The following CACNB2 variants were observed in gnomAD, a reference collection of about 807,000 sequenced individuals.
CACNB2 encodes voltage-dependent L-type calcium channel subunit beta-2.
CACNB2 carries 42 observed loss-of-function variants against 73.3 expected under a neutral mutation model. That is an observed-to-expected ratio of 0.57 (90% confidence interval 0.45 to 0.74). CACNB2 has a LOEUF of 0.74. Ranked by LOEUF, CACNB2 falls within the 30% of genes least tolerant of loss-of-function variation. CACNB2 has a pLI of 0.00. For synonymous variants in CACNB2, 348 were observed against 310.3 expected (o/e 1.12, Z -1.28); for missense variants, 940 against 853.0 (o/e 1.10, Z -1.27).
chr10:18,479,574 G>T (rs990355625), intron 3 of CACNB2, among the ~76,000 whole-genome samples: 1 of 152,170 alleles, frequency 6.6e-6, no homozygotes, highest in South Asian at 2.1e-4. Flanking sequence ...TAATCCCCAT[G>T]TATCAAAGGA....
intron 2 of CACNB2, among the ~76,000 whole-genome samples, chr10:18,243,828 C>T (rs182811572): frequency 6.6e-6 from 1 of 152,190 alleles, no homozygotes; most frequent in Non-Finnish European, 1.5e-5. Flanking sequence ...TTCCAACCAC[C>T]AGAATCATGA....
chr10:18,179,051 T>C (rs1368209014), intron 2 of CACNB2, among the ~76,000 whole-genome samples: 1 of 152,180 alleles, frequency 6.6e-6, no homozygotes, highest in East Asian at 1.9e-4. Context: ...ATAAACAAAT[T>C]AGAATTTTCT....
intron 3 of CACNB2, among the ~76,000 whole-genome samples, chr10:18,461,821 G>A (rs1385582527): frequency 1.6e-5 from 2 of 122,540 alleles, no homozygotes; most frequent in Non-Finnish European, 1.6e-5. Flanking sequence ...GCAACTCCTC[G>A]AACAGTATGA....
chr10:18,259,317 G>A (rs1436216663), intron 2 of CACNB2, among the ~76,000 whole-genome samples: 3 of 151,990 alleles, frequency 2.0e-5, no homozygotes, highest in Non-Finnish European at 4.4e-5. Flanking sequence ...TGTAATCCTA[G>A]CACTTTGGGA....
chr10:18,383,894 T>C (rs775649245), intron 2 of CACNB2, among the ~76,000 whole-genome samples: 9 of 151,806 alleles, frequency 5.9e-5, no homozygotes, highest in Non-Finnish European at 2.9e-5. Flanking sequence ...TTAGTAGAGA[T>C]GGGATTTCAC....
intron 2 of CACNB2, among the ~76,000 whole-genome samples, chr10:18,274,257 C>G (rs945572878): frequency 2.6e-5 from 4 of 152,114 alleles, no homozygotes; most frequent in African/African-American, 9.7e-5. Context: ...AAGGCACCTG[C>G]AGTGGAAAGG....
intron 6 of CACNB2, among the ~76,000 whole-genome samples, chr10:18,507,597 T>C (rs1459284771): frequency 6.6e-6 from 1 of 152,138 alleles, no homozygotes; most frequent in Non-Finnish European, 1.5e-5. Flanking sequence ...GTGTAGAACA[T>C]GGAATTCTAT....
chr10:18,482,249 G>C (rs2048819957), intron 3 of CACNB2, among the ~76,000 whole-genome samples: 1 of 152,220 alleles, frequency 6.6e-6, no homozygotes, highest in South Asian at 2.1e-4. Context: ...CTTCTACATA[G>C]TAAGCACAAT....
intron 3 of CACNB2, among the ~76,000 whole-genome samples, chr10:18,477,743 T>G (rs1231574480): frequency 6.6e-6 from 1 of 151,996 alleles, no homozygotes; most frequent in Non-Finnish European, 1.5e-5. Flanking sequence ...TAGGGAAGAG[T>G]CACTTATATA....
chr10:18,440,503 G>A (rs59261128), intron 3 of CACNB2, among the ~76,000 whole-genome samples: 6,447 of 152,018 alleles, frequency 0.042, 320 homozygotes, highest in South Asian at 0.12. Context: ...GACCCCTCAT[G>A]GCAAAAAATC....
At chr10:18,467,770 C>T (rs1290430815) in intron 3 of CACNB2, among the ~76,000 whole-genome samples, 2 of 152,168 alleles carry the variant, frequency 1.3e-5, no homozygotes, top group African/African-American at 2.4e-5. Flanking sequence ...AAACCCCTCC[C>T]CAGGCACAGT....
intron 2 of CACNB2, among the ~76,000 whole-genome samples, chr10:18,332,877 A>G (rs2040857449): frequency 6.6e-6 from 1 of 152,196 alleles, no homozygotes; most frequent in Non-Finnish European, 1.5e-5. Flanking sequence ...ATTCATTTTA[A>G]TGGTATGAAA....
intron 3 of CACNB2, among the ~76,000 whole-genome samples, chr10:18,440,679 G>C (rs944289056): frequency 1.3e-5 from 2 of 152,022 alleles, no homozygotes; most frequent in African/African-American, 4.8e-5. Flanking sequence ...GGTGACATTT[G>C]ATCAAAATTG....
At chr10:18,470,833 G>GA (rs1337315861) in intron 3 of CACNB2, among the ~76,000 whole-genome samples, 1 of 152,092 alleles carries the variant, frequency 6.6e-6, no homozygotes, top group Non-Finnish European at 1.5e-5. Context: ...AAAGATAAAG[G>GA]AAACCATCTG....
chr10:18,493,390 A>G (rs562204658), intron 3 of CACNB2, among the ~76,000 whole-genome samples: 1 of 151,338 alleles, frequency 6.6e-6, no homozygotes, highest in African/African-American at 2.4e-5. Context: ...CTGGTCTCAA[A>G]CTCCTGATCT....
chr10:18,426,955 A>ATTTTTTTTTTTT (rs551543429), intron 3 of CACNB2, among the ~76,000 whole-genome samples: 10 of 81,668 alleles, frequency 1.2e-4, no homozygotes, highest in East Asian at 4.1e-4. Flanking sequence ...CCTTTTCTAC[A>ATTTTTTTTTTTT]TTTTTTTTTT....
intron 2 of CACNB2, among the ~76,000 whole-genome samples, chr10:18,190,470 G>T (rs971020506): frequency 1.3e-5 from 2 of 152,112 alleles, no homozygotes; most frequent in African/African-American, 4.8e-5. Context: ...CGTCCTGGAA[G>T]AGGCAAACAA....
chr10:18,149,749 G>A lies in CACNB2; in HGVS notation c.121-1134G>A, dbSNP rs78192884. Among the ~76,000 whole-genome samples the A allele has an allele frequency of 0.011, 1,750 of 152,230 alleles. 78 individuals carry two copies. The East Asian group carries it at 0.16, about 14-fold the overall frequency. On this transcript the variant is annotated intron_variant, in intron 1 of 13. Coordinates refer to ENST00000324631, the MANE Select transcript of CACNB2 (RefSeq NM_201596.3). ...TGATAATCTAAGGAAGTCTCTATGA[G>A]CCTAATAATTGTCAACATGTTATAC...
chr10:18,215,104 C>G (rs2035460828), intron 2 of CACNB2, among the ~76,000 whole-genome samples: 1 of 28,620 alleles, frequency 3.5e-5, no homozygotes, highest in Non-Finnish European at 7.9e-5. Flanking sequence ...AATACTGAGA[C>G]TTTTTCCCTT....
Sources: allele counts gnomAD v4.1 joint callset (sites outside exome capture counted in the v4.1 genomes callset), GRCh38; gene constraint gnomAD v4.1.1; transcripts MANE v1.5; gene names NCBI Gene and HGNC (gene_info 2026-07-23, HGNC 2026-07-21).